ARK2C: variants seen among roughly 807,000 people sequenced by gnomAD.
The protein encoded by ARK2C is E3 ubiquitin-protein ligase ARK2C.
chr18:46,367,474 T>C, the ARK2C span, among the ~76,000 whole-genome samples: 1 of 152,146 alleles, frequency 6.6e-6, no homozygotes, highest in African/African-American at 2.4e-5. Context: ...GTTCTGTTCA[T>C]TTGTGCCAAA....
the ARK2C span, among the ~76,000 whole-genome samples, chr18:46,391,649 A>G: frequency 6.6e-6 from 1 of 151,820 alleles, no homozygotes; most frequent in African/African-American, 2.4e-5. Flanking sequence ...TTGGTGACAT[A>G]TTAAAATGTT....
At chr18:46,432,655 T>A in the ARK2C span, among the ~76,000 whole-genome samples, 1 of 152,234 alleles carries the variant, frequency 6.6e-6, no homozygotes, top group African/African-American at 2.4e-5. Flanking sequence ...GCTTATGTAT[T>A]CATTAAAGAT....
the ARK2C span, among the ~76,000 whole-genome samples, chr18:46,384,381 C>G: frequency 6.6e-6 from 1 of 152,200 alleles, no homozygotes; most frequent in Non-Finnish European, 1.5e-5. Context: ...ATACTTCTTC[C>G]TTCTTATTGC....
the ARK2C span, chr18:46,462,699 G>C: frequency 6.6e-6 from 1 of 152,630 alleles, no homozygotes; most frequent in South Asian, 2.1e-4. Flanking sequence ...GCTCCTGGAC[G>C]GGCATGCCTT....
chr18:46,343,084 A>C, the ARK2C span, among the ~76,000 whole-genome samples: 817 of 152,308 alleles, frequency 5.4e-3, 4 homozygotes, highest in Middle Eastern at 0.014. Context: ...CTTCGCATGC[A>C]CTCAAAATGC....
At chr18:46,401,938 G>GA in the ARK2C span, among the ~76,000 whole-genome samples, 31 of 151,946 alleles carry the variant, frequency 2.0e-4, no homozygotes, top group Non-Finnish European at 4.4e-4. Flanking sequence ...TATTTACACA[G>GA]AAAAAAAATT....
chr18:46,354,561 T>G, the ARK2C span, among the ~76,000 whole-genome samples: 4 of 152,186 alleles, frequency 2.6e-5, no homozygotes, highest in Non-Finnish European at 5.9e-5. Flanking sequence ...GGTTAGAATA[T>G]CTCCAGGGTC....
At chr18:46,388,582 C>G in the ARK2C span, among the ~76,000 whole-genome samples, 1 of 152,106 alleles carries the variant, frequency 6.6e-6, no homozygotes, top group Non-Finnish European at 1.5e-5. Flanking sequence ...GGCACTGAAC[C>G]AAGCTGCCCT....
the ARK2C span, among the ~76,000 whole-genome samples, chr18:46,428,363 C>G: frequency 1.3e-5 from 2 of 152,064 alleles, no homozygotes; most frequent in Non-Finnish European, 2.9e-5. Flanking sequence ...GAGCTGAGAT[C>G]GTGCCACTGC....
chr18:46,421,998 G>A, the ARK2C span, among the ~76,000 whole-genome samples: 7,541 of 152,232 alleles, frequency 0.05, 655 homozygotes, highest in East Asian at 0.35. Flanking sequence ...TAGAGAGGGA[G>A]GAAAGCAGAC....
At chr18:46,415,862 G>A in the ARK2C span, among the ~76,000 whole-genome samples, 1 of 152,176 alleles carries the variant, frequency 6.6e-6, no homozygotes, top group Non-Finnish European at 1.5e-5. Context: ...CATCACAGAG[G>A]GACTGAAGCA....
chr18:46,406,135 AC>A, the ARK2C span, among the ~76,000 whole-genome samples: 1 of 151,938 alleles, frequency 6.6e-6, no homozygotes, highest in East Asian at 1.9e-4. Flanking sequence ...ACACACACTT[AC>A]CCCAACACAC....
At chr18:46,447,935 G>A in the ARK2C span, among the ~76,000 whole-genome samples, 3 of 135,800 alleles carry the variant, frequency 2.2e-5, no homozygotes, top group African/African-American at 2.8e-5. Context: ...TCTCTTCCCA[G>A]CTTCTATTCT....
chr18:46,412,610 C>G, the ARK2C span, among the ~76,000 whole-genome samples: 1 of 152,210 alleles, frequency 6.6e-6, no homozygotes. Context: ...TCACTTGTCA[C>G]ACCTCCTCTC....
chr18:46,348,542 G>A, the ARK2C span, among the ~76,000 whole-genome samples: 1 of 152,152 alleles, frequency 6.6e-6, no homozygotes, highest in Non-Finnish European at 1.5e-5. Flanking sequence ...GGTACCATGG[G>A]CTACTGCTGG....
the ARK2C span, among the ~76,000 whole-genome samples, chr18:46,419,540 G>T: frequency 6.6e-6 from 1 of 152,206 alleles, no homozygotes; most frequent in Non-Finnish European, 1.5e-5. Flanking sequence ...GCACAATCTC[G>T]GCCTGAGGGG....
chr18:46,380,938 C>T, the ARK2C span, among the ~76,000 whole-genome samples: 6 of 152,174 alleles, frequency 3.9e-5, no homozygotes, highest in East Asian at 1.9e-4. Context: ...CAAACCCAGC[C>T]GGGCTGGAGT....
chr18:46,350,232 C>A, the ARK2C span, among the ~76,000 whole-genome samples: 1 of 152,212 alleles, frequency 6.6e-6, no homozygotes. Context: ...ACAGGAGATG[C>A]AGGCCTTATC....
chr18:46,424,955 G>A, the ARK2C span, among the ~76,000 whole-genome samples: 2 of 152,208 alleles, frequency 1.3e-5, no homozygotes, highest in Non-Finnish European at 2.9e-5. Context: ...AGGAGCCAGC[G>A]CTGAACCCCG....
Sources: allele counts gnomAD v4.1 joint callset (sites outside exome capture counted in the v4.1 genomes callset), GRCh38; gene constraint gnomAD v4.1.1; transcripts MANE v1.5; gene names NCBI Gene and HGNC (gene_info 2026-07-23, HGNC 2026-07-21).